The following IGF2 variants were observed in gnomAD, a reference collection of about 807,000 sequenced individuals.
IGF2 encodes insulin-like growth factor 2.
A neutral mutation model predicts 12.0 loss-of-function variants in IGF2; 2 were observed. The ratio of observed to expected loss-of-function variants is 0.17; its 90% confidence interval spans 0.07 to 0.52. The LOEUF is 0.52. Ranked by LOEUF, IGF2 falls within the 20% of genes least tolerant of loss-of-function variation. The pLI is 0.95. For synonymous variants in IGF2, 105 were observed against 110.1 expected, an observed-to-expected ratio of 0.95 and a Z score of 0.29; for missense variants, 211 against 268.0, an observed-to-expected ratio of 0.79 and a Z score of 1.48.
chr11:2,144,151 C>A (rs1419879582), upstream of IGF2, among the ~76,000 whole-genome samples: 1 of 152,144 alleles, frequency 6.6e-6, no homozygotes, highest in African/African-American at 2.4e-5. Flanking sequence ...CCGAGCTTAG[C>A]GGGCGTCCGG....
chr11:2,133,567 T>C lies in IGF2; in HGVS notation c.256A>G (p.Thr86Ala). The change falls in exon 3 of 4, where the codon ACC becomes GCC. Residue 86 changes from threonine to alanine, a missense_variant. Thr to Ala is a moderately conservative substitution (Grantham distance 58, BLOSUM62 0). This residue lies in a region of IGF2 where 141 missense variants were observed against 153.1 expected (regional missense o/e 0.92). Coordinates refer to ENST00000416167, the MANE Select transcript of IGF2 (RefSeq NM_000612.6). This position sits in a 1 kb window ranked among gnomAD's most constrained non-coding sequence, Gnocchi z 8.9. ...ACGTCCCTCTCGGACTTGGCGGGGG[T>C]AGCACAGTACGTCTCCAGGAGGGCC... ...DLALLETYCA[T>A]PAKSERDVST... 1.3e-6 allele frequency: 2 copies of C among 1,593,648 alleles called. No homozygotes were observed. The highest frequency in any genetic ancestry group is 1.7e-6 in the Non-Finnish European group (2 of 1,171,116).
rs1215872358 is a variant in IGF2, at chr11:2,129,371, G to GGA, written c.*3614_*3615dup. The GGA allele has an allele frequency of 3.1e-5, 7 of 227,100 alleles. No homozygotes were observed. The highest frequency in any genetic ancestry group is 1.8e-4 in the South Asian group (1 of 5,456). 14.1% of individuals were successfully genotyped at this position (227,100 alleles called of 1,614,324 possible). A position where few individuals can be genotyped will look rare whatever the true frequency, so the allele number is the denominator to read the frequency against. On this transcript the variant is annotated 3_prime_UTR_variant, in exon 4 of 4. Transcript: ENST00000416167. This position sits in a 1 kb window ranked among gnomAD's most constrained non-coding sequence, Gnocchi z 8.1. Reference sequence around the variant, plus strand: ...TGGGGACACGGGGAGGAGACAAGATGGAGAGCCACGACTAGGCACGGAGGT... The same window carrying GGA: ...TGGGGACACGGGGAGGAGACAAGATGGAGAGAGCCACGACTAGGCACGGAGGT...
In IGF2 at chr11:2,132,351, C is replaced by T. The variant is rs1219080667; in HGVS notation, c.*636G>A. ...ATGGCCAGTTTACCCTGAAAATTCC[C>T]GTGAGAAGGGAGATGGCGGTAGCAG... On this transcript the variant is annotated 3_prime_UTR_variant, in exon 4 of 4. Coordinates refer to ENST00000416167, the MANE Select transcript of IGF2 (RefSeq NM_000612.6). 1.1e-5 allele frequency: 2 copies of T among 189,932 alleles called. No individual in the cohort carries two copies. Among genetic ancestry groups the T allele is most frequent in the African/African-American group, 2.3e-5 (1 of 42,796 alleles). The allele number at this position is 189,932 out of a possible 1,614,324, so 11.8% of individuals were successfully genotyped here. A position where few individuals can be genotyped will look rare whatever the true frequency, so the allele number is the denominator to read the frequency against.
Position 2,135,358 on chromosome 11 carries a change from G to A in IGF2, c.157+9C>T. On this transcript the variant is annotated intron_variant, in intron 2 of 3. Coordinates refer to ENST00000416167, the MANE Select transcript of IGF2 (RefSeq NM_000612.6). ...ACCAGGTCTGAGGAAGCCCCTCCCAGCTACTTACTGAAGTAGAAGCCGCGG... is the reference window on the plus strand; with the variant it reads ...ACCAGGTCTGAGGAAGCCCCTCCCAACTACTTACTGAAGTAGAAGCCGCGG... 6.2e-7 allele frequency: 1 copy of A among 1,604,198 alleles called. No homozygotes were observed. Among genetic ancestry groups the A allele is most frequent in the Non-Finnish European group, 8.5e-7 (1 of 1,174,978 alleles).
Position 2,135,557 on chromosome 11 carries a change from C to T in IGF2, c.-6-28G>A, listed in dbSNP as rs766677399. On this transcript the variant is annotated intron_variant, in intron 1 of 3. Transcript: ENST00000416167. ...GGGGGCGGGAGAGAAGTGGCGTGAG[C>T]GGGGCAGCCAGGCCAAGCCCCAGGC... is the stretch of plus-strand genomic sequence containing the variant. 6.3e-5 allele frequency: 100 copies of T among 1,598,388 alleles called. No individual in the cohort carries two copies. The Admixed American group carries it at 1.4e-3, about 22-fold the overall frequency.
Position 2,129,661 on chromosome 11 carries a change from A to G in IGF2, c.*3326T>C, listed in dbSNP as rs1304861264. The G allele has an allele frequency of 8.6e-6, 2 of 231,266 alleles. No homozygotes were observed. The highest frequency in any genetic ancestry group is 1.7e-5 in the Non-Finnish European group (2 of 116,686). The allele number at this position is 231,266 out of a possible 1,614,324, so 14.3% of individuals were successfully genotyped here. A position where few individuals can be genotyped will look rare whatever the true frequency, so the allele number is the denominator to read the frequency against. On this transcript the variant is annotated 3_prime_UTR_variant, in exon 4 of 4. Transcript: ENST00000416167. The surrounding 1 kb of genome is among the most constrained non-coding windows in gnomAD (Gnocchi z 8.1). ...CCAATGTTCCGAATGGCCCACTCAC[A>G]GGGCGCTTGCCGAGGGACCCTCTGC...
At position 2,132,658 on chromosome 11, in the gene IGF2, G is replaced by T. The variant is rs778189789; in HGVS notation, c.*329C>A. Reference sequence around the variant, plus strand: ...CAATTAGTTTTAAGAGGGTTGTTGTGGGGGGGGGGGAAGGGGGTTAGTTTA... The same window carrying T: ...CAATTAGTTTTAAGAGGGTTGTTGTTGGGGGGGGGGAAGGGGGTTAGTTTA... On this transcript the variant is annotated 3_prime_UTR_variant, in exon 4 of 4. Coordinates refer to ENST00000416167, the MANE Select transcript of IGF2 (RefSeq NM_000612.6). 2 of 45,184 alleles carry T rather than the reference G, an allele frequency of 4.4e-5. No individual in the cohort carries two copies. Among genetic ancestry groups the T allele is most frequent in the Non-Finnish European group, 4.1e-5 (1 of 24,602 alleles). The allele number at this position is 45,184 out of a possible 1,614,324, so 2.8% of individuals were successfully genotyped here. A position where few individuals can be genotyped will look rare whatever the true frequency, so the allele number is the denominator to read the frequency against.
At chr11:2,137,096 C>T (rs1051157682) in intron 1 of IGF2, 13 of 347,062 alleles carry the variant, frequency 3.7e-5, no homozygotes, top group Non-Finnish European at 5.3e-5. Flanking sequence ...GCTGCAGGGC[C>T]CGAGGCCCAG....
At chr11:2,145,153 C>T (rs910794061), upstream of IGF2, among the ~76,000 whole-genome samples, 1 of 152,216 alleles carries the variant, frequency 6.6e-6, no homozygotes, top group Non-Finnish European at 1.5e-5. Context: ...CCCATCACTG[C>T]CCCCCTTCCC....
chr11:2,144,413 G>A (rs1859789537), upstream of IGF2, among the ~76,000 whole-genome samples: 1 of 152,228 alleles, frequency 6.6e-6, no homozygotes, highest in African/African-American at 2.4e-5. Context: ...GGCCTGCCCC[G>A]GAGCTTTGCG....
Position 2,131,602 on chromosome 11 carries a change from C to T in IGF2, c.*1385G>A, listed in dbSNP as rs372916351. The T allele has an allele frequency of 6.9e-3, 1,022 of 147,452 alleles. 16 individuals carry two copies. Among genetic ancestry groups the T allele is most frequent in the African/African-American group, 0.028 (869 of 30,754 alleles). 9.1% of individuals were successfully genotyped at this position (147,452 alleles called of 1,614,324 possible). ...GCTGTGTTCATGTGTGCTGTGCATG[C>T]GTGTGTGCTGTGTGTGCATGTGTGT... On this transcript the variant is annotated 3_prime_UTR_variant, in exon 4 of 4. Transcript: ENST00000416167.
upstream of IGF2, chr11:2,140,006 C>G (rs1859447766): frequency 8.3e-6 from 7 of 842,682 alleles, no homozygotes; most frequent in African/African-American, 1.8e-5. Context: ...GCCCCGGAGC[C>G]CCCGCCAGGT....
Position 2,133,529 on chromosome 11 carries a change from C to T in IGF2, c.294G>A (p.Pro98=), listed in dbSNP as rs2133584688. 5 of 1,611,808 alleles carry T rather than the reference C, an allele frequency of 3.1e-6. No individual in the cohort carries two copies. Among genetic ancestry groups the T allele is most frequent in the Middle Eastern group, 1.7e-4 (1 of 6,050 alleles). The change falls in exon 3 of 4, where the codon CCG becomes CCA. Residue 98 remains proline (P), a synonymous_variant. Coordinates refer to ENST00000416167, the MANE Select transcript of IGF2 (RefSeq NM_000612.6). This position sits in a 1 kb window ranked among gnomAD's most constrained non-coding sequence, Gnocchi z 8.9. ...AKSERDVSTP[P]TVLPDNFPRY... is the part of the protein sequence containing the mutation. Reference sequence around the variant, plus strand: ...CCAGGACCCTCACCGGAAGCACGGTCGGAGGGGTCGACACGTCCCTCTCGG... The same window carrying T: ...CCAGGACCCTCACCGGAAGCACGGTTGGAGGGGTCGACACGTCCCTCTCGG...
chr11:2,140,493 C>T (rs1025262761), upstream of IGF2: 65 of 584,794 alleles, frequency 1.1e-4, no homozygotes, highest in Non-Finnish European at 1.7e-4. Context: ...CCGCGCTCCG[C>T]GCGCGCCTCC....
At chr11:2,144,021 C>T (rs73403706), upstream of IGF2, among the ~76,000 whole-genome samples, 2,010 of 152,270 alleles carry the variant, frequency 0.013, 42 homozygotes, top group African/African-American at 0.046. Flanking sequence ...GCGCGGAGCG[C>T]CCTGGCGCGC....
At chr11:2,147,994 T>C in the IGF2 span, 5 of 405,056 alleles carry the variant, frequency 1.2e-5, no homozygotes, top group African/African-American at 6.2e-5. This position sits in a 1 kb window ranked among gnomAD's most constrained non-coding sequence, Gnocchi z 7.2. Context: ...TCTTTCAAAG[T>C]ATAAGGGAGG....
the IGF2 span, chr11:2,149,272 A>G: frequency 1.2e-6 from 2 of 1,613,764 alleles, no homozygotes; most frequent in Non-Finnish European, 1.7e-6. Flanking sequence ...CCACCAAAGC[A>G]GGGGGTGCCC....
chr11:2,134,701 C>T (rs1460341141), intron 2 of IGF2, among the ~76,000 whole-genome samples: 3 of 152,180 alleles, frequency 2.0e-5, no homozygotes, highest in African/African-American at 7.2e-5. Flanking sequence ...CCTCTGCATC[C>T]ACCCAGCCCC....
chr11:2,145,157 C>G (rs944946116), upstream of IGF2, among the ~76,000 whole-genome samples: 5 of 152,236 alleles, frequency 3.3e-5, no homozygotes, highest in Admixed American at 3.3e-4. Context: ...TCACTGCCCC[C>G]CTTCCCACCA....
Sources: allele counts gnomAD v4.1 joint callset (sites outside exome capture counted in the v4.1 genomes callset), GRCh38; gene constraint gnomAD v4.1.1; regional missense constraint gnomAD v4.1.1; non-coding constraint Gnocchi (gnomAD v3.1); transcripts MANE v1.5; gene names NCBI Gene and HGNC (gene_info 2026-07-23, HGNC 2026-07-21).